The following FAF1 variants were observed in gnomAD, a reference collection of about 807,000 sequenced individuals.
FAF1 encodes FAS-associated factor 1.
A neutral mutation model predicts 92.5 loss-of-function variants in FAF1; 25 were observed. That is an observed-to-expected ratio of 0.27 (90% CI 0.20 to 0.38). The LOEUF is 0.38. FAF1 is among the 10% of genes least tolerant of loss of function. FAF1 has a pLI of 1.00. For missense variants in FAF1, 636 were observed against 793.3 expected (o/e 0.80, Z 2.38); for synonymous variants, 234 against 273.2 (o/e 0.86, Z 1.42).
chr1:50,952,462 C>T (rs1261472005), intron 1 of FAF1, among the ~76,000 whole-genome samples: 1 of 152,230 alleles, frequency 6.6e-6, no homozygotes, highest in Non-Finnish European at 1.5e-5. Flanking sequence ...TCGCTACAAC[C>T]TCCACCTCCC....
chr1:50,663,027 T>C (rs1271118284), intron 7 of FAF1, among the ~76,000 whole-genome samples: 1 of 151,730 alleles, frequency 6.6e-6, no homozygotes, highest in Non-Finnish European at 1.5e-5. Context: ...AGGTCAAACC[T>C]GGATTTTACG....
At chr1:50,561,848 C>CAGAAGGAAGGAAGGAA (rs754468273) in intron 13 of FAF1, among the ~76,000 whole-genome samples, 1 of 128,484 alleles carries the variant, frequency 7.8e-6, no homozygotes, top group East Asian at 2.2e-4. Context: ...GACGGATGGA[C>CAGAAGGAAGGAAGGAA]GGAAGGAAGG....
intron 18 of FAF1, 67 bp downstream of exon 18, chr1:50,475,397 T>C (rs1361085407): frequency 7.8e-7 from 1 of 1,279,896 alleles, no homozygotes; most frequent in Non-Finnish European, 1.1e-6. Flanking sequence ...TGAACTACTT[T>C]GTTCAGCTTT....
intron 8 of FAF1, among the ~76,000 whole-genome samples, chr1:50,640,538 C>A (rs1454930049): frequency 6.6e-6 from 1 of 151,954 alleles, no homozygotes; most frequent in African/African-American, 2.4e-5. Context: ...TTGTGATCCA[C>A]CCATGTTATG....
At chr1:50,949,284 C>T (rs137964098) in intron 1 of FAF1, among the ~76,000 whole-genome samples, 226 of 152,324 alleles carry the variant, frequency 1.5e-3, no homozygotes, top group African/African-American at 5.2e-3. Flanking sequence ...CTGATGCAAA[C>T]TAAAGTTTGA....
At chr1:50,525,206 T>G (rs1647731445) in intron 15 of FAF1, among the ~76,000 whole-genome samples, 1 of 152,190 alleles carries the variant, frequency 6.6e-6, no homozygotes, top group Non-Finnish European at 1.5e-5. Flanking sequence ...TTTTAAAAGT[T>G]TTTTTCTAGT....
chr1:50,806,518 A>G (rs888235006), intron 2 of FAF1, among the ~76,000 whole-genome samples: 2 of 152,170 alleles, frequency 1.3e-5, no homozygotes, highest in Admixed American at 6.5e-5. Flanking sequence ...ACCCCACTCC[A>G]TTTTATGTAT....
rs79589671 is a variant in FAF1 at position 50,797,399 on chromosome 1, A to T, written c.161+4232T>A. 8.0e-3 allele frequency among the ~76,000 whole-genome samples: 1,219 copies of T among 152,158 alleles called. 14 individuals are homozygous for T. The highest frequency in any genetic ancestry group is 0.028 in the African/African-American group (1,175 of 41,518). On this transcript the variant is annotated intron_variant, in intron 3 of 18. Coordinates refer to ENST00000396153, the MANE Select transcript of FAF1 (RefSeq NM_007051.3). ...TTACTAATCTATAAATACCTTTTTT[A>T]AAAAAAGATATTGATTGAATGCCAG...
At chr1:50,503,222 G>A (rs1647013876) in intron 15 of FAF1, among the ~76,000 whole-genome samples, 2 of 152,102 alleles carry the variant, frequency 1.3e-5, no homozygotes, top group Admixed American at 1.3e-4. Flanking sequence ...ATTGCTAAAT[G>A]GTAGTTGTGC....
chr1:50,626,466 G>C (rs1653502874), intron 8 of FAF1, among the ~76,000 whole-genome samples: 1 of 152,156 alleles, frequency 6.6e-6, no homozygotes, highest in Admixed American at 6.6e-5. Flanking sequence ...GGATATATCA[G>C]GGAACAGGAT....
chr1:50,656,194 G>A (rs983968439), intron 7 of FAF1, among the ~76,000 whole-genome samples: 2 of 151,830 alleles, frequency 1.3e-5, no homozygotes, highest in African/African-American at 2.4e-5. Flanking sequence ...TTAGCCAGGC[G>A]TGGTGGCGGT....
chr1:50,488,503 C>T (rs1027871304), intron 17 of FAF1, among the ~76,000 whole-genome samples: 4 of 152,152 alleles, frequency 2.6e-5, no homozygotes, highest in African/African-American at 9.7e-5. Flanking sequence ...AGAGTGTGTG[C>T]ATGTGTGAAC....
chr1:50,808,237 G>C (rs1222429446), intron 2 of FAF1, among the ~76,000 whole-genome samples: 1 of 152,110 alleles, frequency 6.6e-6, no homozygotes, highest in East Asian at 1.9e-4. Context: ...CACTAGACCT[G>C]ACTTACCAGA....
At chr1:50,816,423 T>G (rs940887314) in intron 2 of FAF1, among the ~76,000 whole-genome samples, 31 of 151,848 alleles carry the variant, frequency 2.0e-4, no homozygotes, top group Non-Finnish European at 1.5e-5. Context: ...CCAGGATGGT[T>G]TCAATCTCCT....
intron 4 of FAF1, among the ~76,000 whole-genome samples, chr1:50,756,401 G>C (rs1660074777): frequency 6.6e-6 from 1 of 152,150 alleles, no homozygotes; most frequent in Admixed American, 6.5e-5. Flanking sequence ...ACCTAAGCCT[G>C]AACTTTATTG....
intron 1 of FAF1, among the ~76,000 whole-genome samples, chr1:50,897,697 C>T (rs1325818840): frequency 6.6e-6 from 1 of 152,156 alleles, no homozygotes; most frequent in African/African-American, 2.4e-5. Context: ...ATTCTTCAAC[C>T]TTCCATGCAT....
chr1:50,790,033 C>A (rs1330847537), intron 3 of FAF1, among the ~76,000 whole-genome samples: 1 of 152,108 alleles, frequency 6.6e-6, no homozygotes, highest in African/African-American at 2.4e-5. Context: ...CAACTCAGGG[C>A]ACTAGGTCTA....
rs1245989074 is a variant in FAF1, at chr1:50,490,460, GAAA to G, written c.1653+125_1653+127del. ...GGAAGGAAGGAAGGAAGGAAGGAAG[GAAA>G]AAGAAAGAAGGAAGGAAGGAAGGAA... On this transcript the variant is annotated intron_variant, in intron 17 of 18. Transcript: ENST00000396153. 1.2e-3 allele frequency: 642 copies of G among 530,166 alleles called. 21 individuals carry two copies. The African/African-American group carries it at 0.014, about 12-fold the overall frequency. The allele number at this position is 530,166 out of a possible 1,614,324, so 32.8% of individuals were successfully genotyped here.
intron 1 of FAF1, among the ~76,000 whole-genome samples, chr1:50,907,193 C>T (rs968599909): frequency 5.9e-5 from 9 of 152,138 alleles, no homozygotes; most frequent in African/African-American, 1.2e-4. Flanking sequence ...TATTGATTTG[C>T]GTAAGTTGAA....
Sources: allele counts gnomAD v4.1 joint callset (sites outside exome capture counted in the v4.1 genomes callset), GRCh38; gene constraint gnomAD v4.1.1; transcripts MANE v1.5; gene names NCBI Gene and HGNC (gene_info 2026-07-23, HGNC 2026-07-21).